DAB1: variants seen among roughly 807,000 people sequenced by gnomAD.
The protein encoded by DAB1 is DAB adaptor protein 1, also known as disabled homolog 1.
In DAB1, 15 loss-of-function variants were observed where a neutral mutation model predicts 64.6. The observed-to-expected ratio is 0.23, with a 90% confidence interval of 0.16 to 0.36. The LOEUF (loss-of-function observed/expected upper bound fraction) is 0.36, where lower values mean the gene tolerates loss of function less well. DAB1 is among the 10% of genes least tolerant of loss of function. The probability of loss-of-function intolerance (pLI) is 1.00; values close to 1 mark genes in which losing one functional copy is unlikely to be tolerated. For synonymous variants in DAB1, 235 were observed against 251.9 expected (o/e 0.93, Z 0.64); for missense variants, 596 against 706.7 (o/e 0.84, Z 1.78).
intron 7 of DAB1, among the ~76,000 whole-genome samples, chr1:57,540,041 C>A (rs1644782439): frequency 6.6e-6 from 1 of 152,194 alleles, no homozygotes; most frequent in Admixed American, 6.5e-5. Context: ...GTGGAATGTA[C>A]ATGTTCTAGA....
intron 5 of DAB1, among the ~76,000 whole-genome samples, chr1:58,087,048 C>G (rs2100603733): frequency 6.6e-6 from 1 of 152,280 alleles, no homozygotes; most frequent in African/African-American, 2.4e-5. Flanking sequence ...CACCTCCTAG[C>G]CATGTGGCAT....
chr1:57,894,989 G>C (rs1644372377), intron 5 of DAB1, among the ~76,000 whole-genome samples: 1 of 151,820 alleles, frequency 6.6e-6, no homozygotes, highest in South Asian at 2.1e-4. Flanking sequence ...CCCCACAAAA[G>C]TTTGTGAAAG....
intron 9 of DAB1, among the ~76,000 whole-genome samples, chr1:57,054,070 C>T (rs895818163): frequency 6.6e-6 from 1 of 151,890 alleles, no homozygotes; most frequent in African/African-American, 2.4e-5. Flanking sequence ...TCTTTTATGC[C>T]TAATACAACT....
At chr1:57,018,728 CT>C (rs1436422482) in intron 11 of DAB1, among the ~76,000 whole-genome samples, 6 of 152,164 alleles carry the variant, frequency 3.9e-5, no homozygotes, top group Admixed American at 6.5e-5. Flanking sequence ...CCATGAAGGA[CT>C]GTTTTTAAAT....
At chr1:58,051,957 T>C (rs894908803) in intron 5 of DAB1, among the ~76,000 whole-genome samples, 3 of 152,238 alleles carry the variant, frequency 2.0e-5, no homozygotes, top group African/African-American at 4.8e-5. Flanking sequence ...TTTTGTCAAA[T>C]GGGTAGATTG....
intron 1 of DAB1, among the ~76,000 whole-genome samples, chr1:57,828,605 A>G (rs901659777): frequency 1.3e-5 from 2 of 152,258 alleles, no homozygotes; most frequent in African/African-American, 4.8e-5. Flanking sequence ...CCATGTATGC[A>G]TGTAGATACT....
At chr1:57,325,004 C>A (rs544102621) in intron 1 of DAB1, among the ~76,000 whole-genome samples, 1 of 152,350 alleles carries the variant, frequency 6.6e-6, no homozygotes, top group East Asian at 1.9e-4. Flanking sequence ...AGAGCAGATG[C>A]TCAAGTAATG....
intron 6 of DAB1, among the ~76,000 whole-genome samples, chr1:57,704,917 T>TTC (rs1189865089): frequency 1.3e-4 from 10 of 76,360 alleles, no homozygotes; most frequent in South Asian, 8.3e-4. Context: ...TTCCTTTTCA[T>TTC]CTTTCCTTCC....
chr1:57,020,679 C>A (rs1469793354), intron 11 of DAB1, among the ~76,000 whole-genome samples: 1 of 152,172 alleles, frequency 6.6e-6, no homozygotes, highest in Non-Finnish European at 1.5e-5. Context: ...AATAATACAG[C>A]ATATTCTACA....
intron 7 of DAB1, among the ~76,000 whole-genome samples, chr1:57,070,082 C>T (rs745958067): frequency 6.6e-6 from 1 of 152,198 alleles, no homozygotes; most frequent in Admixed American, 6.5e-5. Context: ...CACGTCATTA[C>T]GTGCATCTTT....
At chr1:57,717,260 TA>T (rs1647095143) in intron 6 of DAB1, among the ~76,000 whole-genome samples, 1 of 139,748 alleles carries the variant, frequency 7.2e-6, no homozygotes, top group African/African-American at 2.7e-5. Context: ...TAAATAAAAA[TA>T]AAAATAAAAA....
chr1:58,531,223 C>G (rs2100475088), intron 1 of DAB1, among the ~76,000 whole-genome samples: 1 of 152,196 alleles, frequency 6.6e-6, no homozygotes. Flanking sequence ...CACTACCTAA[C>G]ATATGAAGCA....
At position 57,398,278 on chromosome 1, in the gene DAB1, A is replaced by G. The variant is rs199684001; in HGVS notation, c.-137+25652T>C. Among the ~76,000 whole-genome samples, 25 of 152,262 alleles carry G rather than the reference A, an allele frequency of 1.6e-4. No homozygotes were observed. The East Asian group carries it at 3.1e-3, about 19-fold the overall frequency. ...CAACATGTATATGAATAACTAGAAC[A>G]TGGGGCCTTATGTGAGTGCCCTCGA... On this transcript the variant is annotated intron_variant, in intron 1 of 14. Transcript: ENST00000371236.
intron 5 of DAB1, among the ~76,000 whole-genome samples, chr1:58,010,018 G>A (rs1646644430): frequency 6.6e-6 from 1 of 152,180 alleles, no homozygotes; most frequent in South Asian, 2.1e-4. Context: ...ACATAGAGGT[G>A]AAGTAGATTG....
intron 2 of DAB1, among the ~76,000 whole-genome samples, chr1:57,148,136 C>T (rs1255004230): frequency 1.3e-5 from 2 of 152,100 alleles, no homozygotes; most frequent in Non-Finnish European, 2.9e-5. Flanking sequence ...GGAACAGATT[C>T]CAGTCATCAG....
intron 5 of DAB1, among the ~76,000 whole-genome samples, chr1:58,058,648 A>C (rs781681038): frequency 6.6e-6 from 1 of 152,208 alleles, no homozygotes; most frequent in Non-Finnish European, 1.5e-5. Context: ...AAGGCTATGC[A>C]TGAGCTGATG....
rs182242938 is a variant in DAB1, at chr1:58,112,000, G to A, written n.387+38511C>T. 2.1e-3 allele frequency among the ~76,000 whole-genome samples: 325 copies of A among 152,232 alleles called. 4 individuals are homozygous for A. Among genetic ancestry groups the A allele is most frequent in the African/African-American group, 7.5e-3 (313 of 41,542 alleles). ...ACACAAACCTCGACCTACACCATCC[G>A]TCTAACTCTGTCATGTCACTTGCAC... is the stretch of plus-strand genomic sequence containing the variant. On this transcript the variant is annotated intron_variant and non_coding_transcript_variant, in intron 5 of 20. Transcript: ENST00000485760.
intron 14 of DAB1, among the ~76,000 whole-genome samples, chr1:56,998,417 T>C (rs1645715624): frequency 6.6e-6 from 1 of 152,206 alleles, no homozygotes; most frequent in Non-Finnish European, 1.5e-5. Context: ...CTGTGTCATG[T>C]GGACAAGATA....
chr1:57,150,445 C>T (rs898270051), intron 2 of DAB1, among the ~76,000 whole-genome samples: 6 of 152,146 alleles, frequency 3.9e-5, no homozygotes, highest in African/African-American at 1.4e-4. Context: ...TACTGTCCTG[C>T]CTCAGTGTTC....
Sources: allele counts gnomAD v4.1 joint callset (sites outside exome capture counted in the v4.1 genomes callset), GRCh38; gene constraint gnomAD v4.1.1; transcripts MANE v1.5; gene names NCBI Gene and HGNC (gene_info 2026-07-23, HGNC 2026-07-21).